The following LEF1 variants were observed in gnomAD, a reference collection of about 807,000 sequenced individuals.
LEF1 encodes lymphoid enhancer binding factor 1.
LEF1 carries 14 observed loss-of-function variants against 51.2 expected under a neutral mutation model. The observed-to-expected ratio is 0.27, with a 90% CI of 0.18 to 0.43. The LOEUF is 0.43. Among genes scored for constraint, LEF1 ranks in the 20% least tolerant of loss-of-function variants. The probability of loss-of-function intolerance (pLI) is 1.00; values close to 1 mark genes in which losing one functional copy is unlikely to be tolerated. For synonymous variants in LEF1, 185 were observed against 183.2 expected, an observed-to-expected ratio of 1.01 and a Z score of -0.08; for missense variants, 386 against 512.0, an observed-to-expected ratio of 0.75 and a Z score of 2.37.
intron 3 of LEF1, among the ~76,000 whole-genome samples, chr4:108,119,683 A>G (rs1316445124): frequency 4.6e-5 from 7 of 152,136 alleles, no homozygotes; most frequent in African/African-American, 1.7e-4. Context: ...AAAGAAACAC[A>G]TATGTACCTG....
chr4:108,131,242 C>A (rs751882997), intron 3 of LEF1, among the ~76,000 whole-genome samples: 1 of 152,002 alleles, frequency 6.6e-6, no homozygotes, highest in Non-Finnish European at 1.5e-5. Flanking sequence ...TGAGACCAGC[C>A]TGAGCAACAT....
chr4:108,122,762 A>T (rs2110336335), intron 3 of LEF1, among the ~76,000 whole-genome samples: 1 of 152,334 alleles, frequency 6.6e-6, no homozygotes, highest in East Asian at 1.9e-4. Context: ...CTGAGAATAA[A>T]GGTGTGAGCC....
chr4:108,162,520 C>G (rs1745125037), intron 3 of LEF1, among the ~76,000 whole-genome samples: 1 of 152,168 alleles, frequency 6.6e-6, no homozygotes, highest in African/African-American at 2.4e-5. Flanking sequence ...AACAACGTTA[C>G]TCTTCCCAGA....
At chr4:108,124,047 C>T (rs1372375520) in intron 3 of LEF1, among the ~76,000 whole-genome samples, 1 of 152,088 alleles carries the variant, frequency 6.6e-6, no homozygotes, top group African/African-American at 2.4e-5. Flanking sequence ...ACTCCAGAGG[C>T]TGATGTGGGA....
Position 108,144,560 on chromosome 4 carries a change from G to A in LEF1, c.414+19008C>T, listed in dbSNP as rs140711764. Among the ~76,000 whole-genome samples the A allele has an allele frequency of 3.3e-4, 50 of 152,240 alleles. No homozygotes were observed. The East Asian group carries it at 7.7e-3, about 24-fold the overall frequency. Reference sequence around the variant, plus strand: ...ATAGCACAGAGCCTTCTTTTCAAGCGGTTTCATCACTTGCACACACAGTAC... The same window carrying A: ...ATAGCACAGAGCCTTCTTTTCAAGCAGTTTCATCACTTGCACACACAGTAC... On this transcript the variant is annotated intron_variant, in intron 3 of 11. Transcript: ENST00000265165.
chr4:108,144,195 T>G (rs893163947), intron 3 of LEF1, among the ~76,000 whole-genome samples: 2 of 152,156 alleles, frequency 1.3e-5, no homozygotes, highest in African/African-American at 4.8e-5. Context: ...ATAACCAGAT[T>G]CCATGCTTTC....
intron 4 of LEF1, among the ~76,000 whole-genome samples, chr4:108,087,569 T>A (rs766177235): frequency 6.6e-6 from 1 of 152,188 alleles, no homozygotes; most frequent in South Asian, 2.1e-4. Context: ...AAAATTGAAC[T>A]GTCCTATTAT....
At chr4:108,152,139 G>A (rs924696627) in intron 3 of LEF1, among the ~76,000 whole-genome samples, 1 of 152,200 alleles carries the variant, frequency 6.6e-6, no homozygotes, top group African/African-American at 2.4e-5. Flanking sequence ...CTTGACTGAC[G>A]GTGGGATCCG....
At chr4:108,088,874 G>A (rs1265978988) in intron 4 of LEF1, among the ~76,000 whole-genome samples, 1 of 152,078 alleles carries the variant, frequency 6.6e-6, no homozygotes, top group Non-Finnish European at 1.5e-5. Flanking sequence ...TTTACATTGT[G>A]AATGAAAGAT....
Position 108,088,523 on chromosome 4 carries a change from T to C in LEF1, c.547+602A>G, listed in dbSNP as rs2110265661. Among the ~76,000 whole-genome samples, 2 of 152,312 alleles carry C rather than the reference T, an allele frequency of 1.3e-5. 1 individual carries two copies. The highest frequency in any genetic ancestry group is 4.1e-4 in the South Asian group (2 of 4,822). On this transcript the variant is annotated intron_variant, in intron 4 of 11. Coordinates refer to ENST00000265165, the MANE Select transcript of LEF1 (RefSeq NM_016269.5). ...CCGTACACATCAGGCAGAAACAGGATGTTTTAATTTTTCAGACCTCTTGCA... is the reference window on the plus strand; with the variant it reads ...CCGTACACATCAGGCAGAAACAGGACGTTTTAATTTTTCAGACCTCTTGCA...
intron 5 of LEF1, among the ~76,000 whole-genome samples, chr4:108,082,313 G>T (rs1294894207): frequency 6.6e-6 from 1 of 151,974 alleles, no homozygotes; most frequent in Non-Finnish European, 1.5e-5. Flanking sequence ...CAGGACTATT[G>T]CCCCTAAGTC....
chr4:108,085,955 A>G lies in LEF1; in HGVS notation c.548-2509T>C, dbSNP rs1739618849. On this transcript the variant is annotated intron_variant, in intron 4 of 11. Coordinates refer to ENST00000265165, the MANE Select transcript of LEF1 (RefSeq NM_016269.5). ...TGTATCTAACCATGGTTTTCTGCAG[A>G]GGAGCCTCTTAGTTAATATTTCTGA... 2.0e-5 allele frequency among the ~76,000 whole-genome samples: 3 copies of G among 152,254 alleles called. No homozygotes were observed. The South Asian group carries it at 6.2e-4, about 32-fold the overall frequency.
At chr4:108,161,796 G>A (rs1238039015) in intron 3 of LEF1, among the ~76,000 whole-genome samples, 1 of 152,100 alleles carries the variant, frequency 6.6e-6, no homozygotes, top group Non-Finnish European at 1.5e-5. Context: ...TATACTCACA[G>A]CTGAAAAACG....
chr4:108,161,246 G>A (rs994436339), intron 3 of LEF1, among the ~76,000 whole-genome samples: 3 of 152,064 alleles, frequency 2.0e-5, no homozygotes, highest in Admixed American at 6.6e-5. Flanking sequence ...AACTCACTTC[G>A]GTTGGACCCT....
At chr4:108,154,132 T>A (rs1285659354) in intron 3 of LEF1, among the ~76,000 whole-genome samples, 2 of 152,222 alleles carry the variant, frequency 1.3e-5, no homozygotes, top group African/African-American at 4.8e-5. Context: ...TAAAAATGGT[T>A]AAGCATTTTT....
chr4:108,064,759 G>A (rs553166788), intron 9 of LEF1, among the ~76,000 whole-genome samples: 12 of 150,442 alleles, frequency 8.0e-5, no homozygotes, highest in South Asian at 2.1e-4. Flanking sequence ...ACACACACAC[G>A]GATAATGATG....
chr4:108,073,159 A>G (rs908938305), intron 8 of LEF1, among the ~76,000 whole-genome samples: 5 of 152,192 alleles, frequency 3.3e-5, no homozygotes, highest in Non-Finnish European at 7.3e-5. Flanking sequence ...GCTGAGGCAC[A>G]CAGATCACTG....
chr4:108,075,940 T>C (rs529187816), intron 8 of LEF1, among the ~76,000 whole-genome samples: 198 of 152,340 alleles, frequency 1.3e-3, no homozygotes, highest in Non-Finnish European at 1.5e-3. Flanking sequence ...TAAAGCCTCA[T>C]GGTAGAACAG....
chr4:108,108,517 T>C (rs1008468620), intron 3 of LEF1, among the ~76,000 whole-genome samples: 1 of 152,156 alleles, frequency 6.6e-6, no homozygotes, highest in Non-Finnish European at 1.5e-5. Context: ...CTTCTGTATG[T>C]ATAAAATAAA....
Sources: gnomAD v4.1 joint callset for allele counts (sites outside exome capture counted in the v4.1 genomes callset) on GRCh38, gnomAD v4.1.1 for gene constraint, MANE v1.5 for transcripts, NCBI Gene and HGNC (gene_info 2026-07-23, HGNC 2026-07-21) for gene names.